ADAMTS18: variants seen among roughly 807,000 people sequenced by gnomAD.
ADAMTS18 encodes the protein A disintegrin and metalloproteinase with thrombospondin motifs 18.
In ADAMTS18, 157 loss-of-function variants were observed where a neutral mutation model predicts 165.9. The ratio of observed to expected loss-of-function variants is 0.95; its 90% confidence interval spans 0.83 to 1.08. The LOEUF is 1.08. ADAMTS18 is among the 50% of genes least tolerant of loss of function. The pLI is 0.00. For missense variants in ADAMTS18, 2,040 were observed against 1,534.0 expected (o/e 1.33, Z -5.51); for synonymous variants, 782 against 578.2 (o/e 1.35, Z -5.06).
In ADAMTS18 at chr16:77,363,179, G is replaced by A. The variant is rs539030260; in HGVS notation, c.1056+623C>T. ...ACATCAAAACACTACAAAGCAGTGAGTACCATGTAATTTAACACTTTATTA... is the reference window on the plus strand; with the variant it reads ...ACATCAAAACACTACAAAGCAGTGAATACCATGTAATTTAACACTTTATTA... On this transcript the variant is annotated intron_variant, in intron 6 of 22. Transcript: ENST00000282849. Among the ~76,000 whole-genome samples, 52 of 152,304 alleles carry A rather than the reference G, an allele frequency of 3.4e-4. 1 individual carries two copies. Among genetic ancestry groups the A allele is most frequent in the African/African-American group, 1.2e-3 (49 of 41,560 alleles).
intron 16 of ADAMTS18, among the ~76,000 whole-genome samples, chr16:77,318,752 A>C (rs1042916716): frequency 6.6e-6 from 1 of 152,072 alleles, no homozygotes; most frequent in African/African-American, 2.4e-5. Context: ...CAAGTCTTTT[A>C]ATCTTTTTTT....
At chr16:77,286,602 G>C (rs944415205) in intron 22 of ADAMTS18, among the ~76,000 whole-genome samples, 5 of 152,044 alleles carry the variant, frequency 3.3e-5, no homozygotes, top group African/African-American at 1.2e-4. Flanking sequence ...GCTACTGAGT[G>C]TCAAGTCAGT....
chr16:77,341,589 G>T, intron 11 of ADAMTS18, 115 bp downstream of exon 11: 1 of 828,730 alleles, frequency 1.2e-6, no homozygotes, highest in Middle Eastern at 2.2e-4. Flanking sequence ...AATATGAAGA[G>T]AAGTCAGAGA....
intron 3 of ADAMTS18, among the ~76,000 whole-genome samples, chr16:77,373,901 C>A (rs578208012): frequency 6.6e-6 from 1 of 152,048 alleles, no homozygotes; most frequent in South Asian, 2.1e-4. Context: ...CTGATGCATG[C>A]CACTTGTTAT....
At chr16:77,387,882 C>G (rs2057131268) in intron 3 of ADAMTS18, among the ~76,000 whole-genome samples, 1 of 152,186 alleles carries the variant, frequency 6.6e-6, no homozygotes, top group South Asian at 2.1e-4. Flanking sequence ...GTGCTGCAGA[C>G]TCATCCATGA....
intron 3 of ADAMTS18, among the ~76,000 whole-genome samples, chr16:77,390,865 A>G (rs942575150): frequency 5.9e-5 from 9 of 152,154 alleles, no homozygotes; most frequent in Admixed American, 4.6e-4. Flanking sequence ...CCTCAGTTAT[A>G]CTAGGCATAT....
rs1182762030 is a variant in ADAMTS18 at position 77,284,040 on chromosome 16, C to T, written c.3582G>A (p.Trp1194Ter). ...CACCATGCTGAGGAACTAGGTGACA[C>T]CAGTTGAAGAAATCTACGCAGGATG... Reference protein sequence around the residue: ...EDPSCVDFFNWCHLVPQHGVC... With the variant: ...EDPSCVDFFN The change falls in exon 23 of 23, where the codon TGG becomes TGA. Residue 1194 changes from tryptophan to a stop codon, truncating the protein, a stop_gained. Coordinates refer to ENST00000282849, the MANE Select transcript of ADAMTS18 (RefSeq NM_199355.4). LOFTEE classifies it high-confidence loss of function. The T allele has an allele frequency of 6.2e-7, 1 of 1,613,592 alleles. No individual in the cohort carries two copies. Among genetic ancestry groups the T allele is most frequent in the South Asian group, 1.1e-5 (1 of 91,052 alleles).
At chr16:77,431,063 T>C (rs1054215765) in intron 3 of ADAMTS18, among the ~76,000 whole-genome samples, 4 of 152,218 alleles carry the variant, frequency 2.6e-5, no homozygotes, top group Non-Finnish European at 4.4e-5. Context: ...GAATGAAAAG[T>C]CCCAGACCAT....
chr16:77,401,125 G>A (rs1025192097), intron 3 of ADAMTS18, among the ~76,000 whole-genome samples: 1 of 151,902 alleles, frequency 6.6e-6, no homozygotes, highest in Non-Finnish European at 1.5e-5. Flanking sequence ...CGTGGTGGCG[G>A]GTGCCTATAA....
chr16:77,285,779 T>C (rs562726467), intron 22 of ADAMTS18, among the ~76,000 whole-genome samples: 109 of 152,166 alleles, frequency 7.2e-4, no homozygotes, highest in Non-Finnish European at 1.2e-3. Context: ...CTTCACGTTC[T>C]CCATGCAATC....
intron 11 of ADAMTS18, among the ~76,000 whole-genome samples, chr16:77,338,953 CAAAA>C (rs58380516): frequency 4.4e-5 from 5 of 113,530 alleles, no homozygotes; most frequent in Admixed American, 9.0e-5. Context: ...GACTCCATCT[CAAAA>C]AAAAAAAAAA....
At chr16:77,394,049 GATTTT>G (rs1243731287) in intron 3 of ADAMTS18, among the ~76,000 whole-genome samples, 1 of 152,160 alleles carries the variant, frequency 6.6e-6, no homozygotes, top group Non-Finnish European at 1.5e-5. Flanking sequence ...GATTGATGAC[GATTTT>G]ATTTGTTTTT....
At chr16:77,367,781 T>C in intron 3 of ADAMTS18, 58 bp from the exon 4 acceptor site, 8 of 1,611,208 alleles carry the variant, frequency 5.0e-6, no homozygotes, top group Non-Finnish European at 6.8e-6. Context: ...GTGCCAAGGG[T>C]TGGTTTTCAA....
At chr16:77,334,715 T>C (rs1345996434) in intron 12 of ADAMTS18, among the ~76,000 whole-genome samples, 3 of 101,064 alleles carry the variant, frequency 3.0e-5, no homozygotes, top group Non-Finnish European at 3.8e-5. Flanking sequence ...CTGTATACTA[T>C]AGTATACTAC....
rs768774956 is a variant in ADAMTS18, at chr16:77,292,975, T to C, written c.3189+101A>G. 5 of 1,475,272 alleles carry C rather than the reference T, an allele frequency of 3.4e-6. No homozygotes were observed. In the Admixed American group the frequency reaches 8.7e-5, roughly 26 times the overall value. The allele number at this position is 1,475,272 out of a possible 1,614,324, so 91.4% of individuals were successfully genotyped here. A position where few individuals can be genotyped will look rare whatever the true frequency, so the allele number is the denominator to read the frequency against. On this transcript the variant is annotated intron_variant, in intron 20 of 22. Transcript: ENST00000282849. ...GATCAGACTACAGGCGCCTGCCACC[T>C]TGCCTGGCTAATTTTTTGTATTTTT... is the stretch of plus-strand genomic sequence containing the variant.
At chr16:77,398,368 GAGAA>G (rs1414348788) in intron 3 of ADAMTS18, among the ~76,000 whole-genome samples, 1 of 151,888 alleles carries the variant, frequency 6.6e-6, no homozygotes, top group Non-Finnish European at 1.5e-5. Flanking sequence ...AAGAGAGAAA[GAGAA>G]AGAGAGAGAG....
At chr16:77,327,052 T>C (rs1597126625) in intron 12 of ADAMTS18, among the ~76,000 whole-genome samples, 1 of 152,374 alleles carries the variant, frequency 6.6e-6, no homozygotes, top group East Asian at 1.9e-4. Flanking sequence ...GGCTGCATAG[T>C]ATTCCATGGT....
intron 6 of ADAMTS18, among the ~76,000 whole-genome samples, chr16:77,363,081 G>A (rs1486579555): frequency 6.6e-6 from 1 of 152,198 alleles, no homozygotes; most frequent in Non-Finnish European, 1.5e-5. Context: ...TACAGAAGAA[G>A]AGGAAAAGCC....
chr16:77,416,903 G>A (rs1351804391), intron 3 of ADAMTS18, among the ~76,000 whole-genome samples: 1 of 152,074 alleles, frequency 6.6e-6, no homozygotes. Flanking sequence ...GGTAAGAAGT[G>A]GTCAGAATTG....
Sources: allele counts gnomAD v4.1 joint callset (sites outside exome capture counted in the v4.1 genomes callset), GRCh38; gene constraint gnomAD v4.1.1; transcripts MANE v1.5; gene names NCBI Gene and HGNC (gene_info 2026-07-23, HGNC 2026-07-21).